The following NEGR1 variants were observed in gnomAD, a reference collection of about 807,000 sequenced individuals.
NEGR1 encodes IgLON family member 4.
A neutral mutation model predicts 40.9 loss-of-function variants in NEGR1; 10 were observed. That is an observed-to-expected ratio of 0.24 (90% CI 0.15 to 0.42). The LOEUF (loss-of-function observed/expected upper bound fraction) is 0.42. Among genes scored for constraint, NEGR1 ranks in the 10% least tolerant of loss-of-function variants. The pLI is 1.00. For missense variants in NEGR1, 352 were observed against 438.9 expected, an observed-to-expected ratio of 0.80 and a Z score of 1.77; for synonymous variants, 185 against 166.8, an observed-to-expected ratio of 1.11 and a Z score of -0.84.
At chr1:71,512,066 A>C (rs898935672) in intron 6 of NEGR1, among the ~76,000 whole-genome samples, 1 of 152,228 alleles carries the variant, frequency 6.6e-6, no homozygotes, top group African/African-American at 2.4e-5. Context: ...ACTCCAGAAT[A>C]TCTTGTTTAA....
chr1:71,998,611 ACT>A (rs538104115), intron 1 of NEGR1, among the ~76,000 whole-genome samples: 41 of 151,854 alleles, frequency 2.7e-4, no homozygotes, highest in African/African-American at 9.6e-4. Context: ...ACAGATTCTT[ACT>A]CATATCACAA....
intron 1 of NEGR1, among the ~76,000 whole-genome samples, chr1:71,990,594 A>T (rs914941590): frequency 6.6e-6 from 1 of 152,136 alleles, no homozygotes; most frequent in African/African-American, 2.4e-5. Context: ...TTTGGATAAT[A>T]GTGTGGTTTC....
chr1:71,645,132 A>G (rs1651489310), intron 4 of NEGR1, among the ~76,000 whole-genome samples: 1 of 151,964 alleles, frequency 6.6e-6, no homozygotes, highest in South Asian at 2.1e-4. Context: ...TCAGGTTTGC[A>G]TCACGCTTTT....
At chr1:71,888,025 A>ACACACAC (rs1427716896) in intron 2 of NEGR1, among the ~76,000 whole-genome samples, 1 of 151,380 alleles carries the variant, frequency 6.6e-6, no homozygotes, top group African/African-American at 2.4e-5. Context: ...ACACACACAC[A>ACACACAC]CACACACACA....
intron 6 of NEGR1, among the ~76,000 whole-genome samples, chr1:71,549,399 A>C (rs1648002032): frequency 6.6e-6 from 1 of 151,716 alleles, no homozygotes. Flanking sequence ...TGGTTCCTCC[A>C]TGCTTTGGCA....
At chr1:71,908,088 C>T (rs1212716196) in intron 2 of NEGR1, among the ~76,000 whole-genome samples, 5 of 151,972 alleles carry the variant, frequency 3.3e-5, no homozygotes, top group Non-Finnish European at 7.4e-5. Flanking sequence ...TCGCTCATAT[C>T]CCAAACCTCA....
At chr1:72,015,728 A>G (rs759971268) in intron 1 of NEGR1, among the ~76,000 whole-genome samples, 5 of 152,156 alleles carry the variant, frequency 3.3e-5, no homozygotes, top group African/African-American at 7.2e-5. Context: ...AGTTGTTGGG[A>G]AAAGCTGAGG....
chr1:71,856,931 G>C (rs1011899959), intron 2 of NEGR1, among the ~76,000 whole-genome samples: 18 of 152,026 alleles, frequency 1.2e-4, no homozygotes, highest in African/African-American at 4.3e-4. Flanking sequence ...TGTTATAATA[G>C]AAGAAGCAAA....
chr1:71,477,656 G>T (rs1317909671), intron 6 of NEGR1, among the ~76,000 whole-genome samples: 1 of 152,082 alleles, frequency 6.6e-6, no homozygotes, highest in African/African-American at 2.4e-5. Context: ...TGTGGTTGAT[G>T]TTAGATGGGC....
chr1:71,825,206 T>C (rs890440525), intron 2 of NEGR1, among the ~76,000 whole-genome samples: 4 of 151,960 alleles, frequency 2.6e-5, no homozygotes, highest in South Asian at 2.1e-4. Flanking sequence ...TAGTATTTCA[T>C]TGTGGTTTCA....
At chr1:71,707,733 A>G (rs1653950708) in intron 3 of NEGR1, among the ~76,000 whole-genome samples, 1 of 152,042 alleles carries the variant, frequency 6.6e-6, no homozygotes, top group Non-Finnish European at 1.5e-5. Flanking sequence ...GACCTTATGC[A>G]ATCATAGTGG....
intron 3 of NEGR1, among the ~76,000 whole-genome samples, chr1:71,731,282 C>T (rs1167822561): frequency 6.6e-6 from 1 of 152,184 alleles, no homozygotes; most frequent in Non-Finnish European, 1.5e-5. Context: ...TAGAAATCAA[C>T]TCTGAGCACT....
intron 1 of NEGR1, among the ~76,000 whole-genome samples, chr1:72,057,060 C>G (rs929799796): frequency 6.6e-6 from 1 of 151,548 alleles, no homozygotes; most frequent in Non-Finnish European, 1.5e-5. Context: ...GAAGCTCTTT[C>G]TTTCCCACAA....
intron 1 of NEGR1, among the ~76,000 whole-genome samples, chr1:72,207,094 A>C (rs534001767): frequency 7.3e-5 from 11 of 151,654 alleles, no homozygotes; most frequent in Non-Finnish European, 1.3e-4. Context: ...AAAAGCACTG[A>C]ATGAAAAATA....
intron 1 of NEGR1, among the ~76,000 whole-genome samples, chr1:72,068,767 T>C (rs1647344494): frequency 6.6e-6 from 1 of 152,166 alleles, no homozygotes; most frequent in South Asian, 2.1e-4. Context: ...GGTGATTTTG[T>C]CTTACCAAGA....
chr1:71,786,299 A>G (rs1467924572), intron 2 of NEGR1, among the ~76,000 whole-genome samples: 1 of 152,172 alleles, frequency 6.6e-6, no homozygotes, highest in Non-Finnish European at 1.5e-5. Flanking sequence ...ATATGTTTAT[A>G]TAGATCCTAG....
intron 6 of NEGR1, among the ~76,000 whole-genome samples, chr1:71,576,241 G>A (rs1030985906): frequency 6.6e-6 from 1 of 152,154 alleles, no homozygotes; most frequent in African/African-American, 2.4e-5. Context: ...GTGTATAAAT[G>A]GCTGCTGTTT....
At chr1:72,112,834 C>T (rs1649427890) in intron 1 of NEGR1, among the ~76,000 whole-genome samples, 1 of 151,532 alleles carries the variant, frequency 6.6e-6, no homozygotes, top group African/African-American at 2.4e-5. Context: ...TGGGCGCTCC[C>T]CTGACATGGG....
chr1:72,201,929 GC>G (rs774689519), intron 1 of NEGR1, among the ~76,000 whole-genome samples: 8 of 151,686 alleles, frequency 5.3e-5, no homozygotes, highest in Non-Finnish European at 1.2e-4. Flanking sequence ...GTTATGCTTT[GC>G]AGATATTGCA....
Sources: allele counts gnomAD v4.1 joint callset (sites outside exome capture counted in the v4.1 genomes callset), GRCh38; gene constraint gnomAD v4.1.1; transcripts MANE v1.5; gene names NCBI Gene and HGNC (gene_info 2026-07-23, HGNC 2026-07-21).